CPAP: variants seen among roughly 807,000 people sequenced by gnomAD.
The protein encoded by CPAP is centrosomal P4.1-associated protein.
At chr13:24,910,006 A>G in the CPAP span, 1 of 1,614,142 alleles carries the variant, frequency 6.2e-7, no homozygotes, top group Non-Finnish European at 8.5e-7. Context: ...GATGGGAAGC[A>G]GCATGTGGCT....
the CPAP span, among the ~76,000 whole-genome samples, chr13:24,898,180 G>A: frequency 6.6e-6 from 1 of 152,228 alleles, no homozygotes; most frequent in East Asian, 1.9e-4. Context: ...ACATGAGTGA[G>A]CCACCACCCC....
chr13:24,903,188 G>C, the CPAP span, among the ~76,000 whole-genome samples: 1 of 152,332 alleles, frequency 6.6e-6, no homozygotes, highest in African/African-American at 2.4e-5. Context: ...GGTAGGAGAC[G>C]ATATGTCATA....
At chr13:24,882,551 C>G in the CPAP span, 1 of 152,914 alleles carries the variant, frequency 6.5e-6, no homozygotes, top group African/African-American at 2.4e-5. Context: ...GTTCATGCCC[C>G]CCTCCACTCT....
the CPAP span, among the ~76,000 whole-genome samples, chr13:24,893,341 T>C: frequency 6.6e-6 from 1 of 152,246 alleles, no homozygotes; most frequent in Non-Finnish European, 1.5e-5. Flanking sequence ...TGAGTTGTTT[T>C]AGAAAGACTA....
At chr13:24,906,284 G>C in the CPAP span, 2 of 1,602,576 alleles carry the variant, frequency 1.2e-6, no homozygotes, top group Non-Finnish European at 1.7e-6. Context: ...TATTTCATCA[G>C]CAGCTTGTTC....
chr13:24,911,364 C>T, the CPAP span, among the ~76,000 whole-genome samples: 1 of 152,160 alleles, frequency 6.6e-6, no homozygotes, highest in African/African-American at 2.4e-5. Context: ...ACTGATGGGT[C>T]ACACAACAGA....
the CPAP span, among the ~76,000 whole-genome samples, chr13:24,914,941 G>A: frequency 1.3e-5 from 2 of 151,966 alleles, no homozygotes. Flanking sequence ...CAGGCGTCAG[G>A]GTGCACGCCT....
At chr13:24,887,639 T>A in the CPAP span, among the ~76,000 whole-genome samples, 1 of 151,802 alleles carries the variant, frequency 6.6e-6, no homozygotes, top group Non-Finnish European at 1.5e-5. Flanking sequence ...TTATGGTGAG[T>A]TGTATAATTA....
the CPAP span, chr13:24,892,727 C>T: frequency 5.6e-6 from 9 of 1,614,162 alleles, no homozygotes; most frequent in Non-Finnish European, 6.8e-6. Flanking sequence ...ATCTTTCCAT[C>T]ACTTTTATTT....
the CPAP span, chr13:24,906,111 T>C: frequency 1.9e-6 from 3 of 1,613,098 alleles, no homozygotes; most frequent in Non-Finnish European, 2.5e-6. Context: ...TCACGTGCAG[T>C]GTGGTCCAAA....
the CPAP span, chr13:24,912,961 G>A: frequency 6.2e-6 from 10 of 1,614,190 alleles, no homozygotes; most frequent in Admixed American, 1.2e-4. Flanking sequence ...AGAAGGATTG[G>A]TCATCCACTG....
At chr13:24,883,944 G>T in the CPAP span, 2 of 1,613,940 alleles carry the variant, frequency 1.2e-6, no homozygotes, top group Admixed American at 1.7e-5. Context: ...GTTTTTCTGT[G>T]AACATAATGT....
the CPAP span, chr13:24,905,419 CAAAGAAGG>C: frequency 3.1e-6 from 5 of 1,614,000 alleles, no homozygotes; most frequent in African/African-American, 6.7e-5. Flanking sequence ...GTTTTGGTTT[CAAAGAAGG>C]AAAGAATTTC....
chr13:24,905,400 C>T, the CPAP span: 2 of 1,614,142 alleles, frequency 1.2e-6, no homozygotes, highest in African/African-American at 2.7e-5. Flanking sequence ...AAGTGTGAAT[C>T]TGACTTTGGT....
At chr13:24,892,859 T>C in the CPAP span, 1 of 1,600,574 alleles carries the variant, frequency 6.2e-7, no homozygotes, top group Non-Finnish European at 8.5e-7. Flanking sequence ...CTATTTGCTG[T>C]TTTAAAGTCT....
the CPAP span, among the ~76,000 whole-genome samples, chr13:24,892,344 G>GAA: frequency 6.6e-6 from 1 of 152,178 alleles, no homozygotes; most frequent in South Asian, 2.1e-4. Context: ...AGCAATGCTT[G>GAA]AAAAATCATT....
chr13:24,925,562 G>A, the CPAP span, among the ~76,000 whole-genome samples: 1 of 152,144 alleles, frequency 6.6e-6, no homozygotes, highest in African/African-American at 2.4e-5. Context: ...ATCACACCAC[G>A]AGACTACAGC....
chr13:24,912,497 CAAG>C, the CPAP span: 12 of 1,201,508 alleles, frequency 1.0e-5, no homozygotes, highest in African/African-American at 1.4e-4. Context: ...GGGGAAAAAA[CAAG>C]AAGACCTAGA....
chr13:24,911,916 A>G, the CPAP span: 4 of 1,613,570 alleles, frequency 2.5e-6, no homozygotes, highest in Admixed American at 5.0e-5. Context: ...AATGTGCATT[A>G]TACTGAGGCC....
Sources: allele counts gnomAD v4.1 joint callset (sites outside exome capture counted in the v4.1 genomes callset), GRCh38; gene constraint gnomAD v4.1.1; transcripts MANE v1.5; gene names NCBI Gene and HGNC (gene_info 2026-07-23, HGNC 2026-07-21).